DAB1: variants seen among roughly 807,000 people sequenced by gnomAD.
DAB1 encodes DAB adaptor protein 1, also known as disabled homolog 1.
A neutral mutation model predicts 64.6 loss-of-function variants in DAB1; 15 were observed. That is an observed-to-expected ratio of 0.23 (90% CI 0.16 to 0.36). The LOEUF is 0.36. Ranked by LOEUF, DAB1 falls within the 10% of genes least tolerant of loss-of-function variation. The pLI, the probability that DAB1 is intolerant of heterozygous loss-of-function variation, is 1.00. For synonymous variants in DAB1, 235 were observed against 251.9 expected, an observed-to-expected ratio of 0.93 and a Z score of 0.64; for missense variants, 596 against 706.7, an observed-to-expected ratio of 0.84 and a Z score of 1.78.
chr1:57,077,326 C>G (rs1336006021), intron 4 of DAB1, among the ~76,000 whole-genome samples: 1 of 152,154 alleles, frequency 6.6e-6, no homozygotes, highest in African/African-American at 2.4e-5. Flanking sequence ...TCTTCTCAAT[C>G]TTACCCCCGC....
chr1:57,389,933 G>A lies in DAB1; in HGVS notation c.-137+33997C>T, dbSNP rs1011110141. Among the ~76,000 whole-genome samples, 7 of 152,156 alleles carry A rather than the reference G, an allele frequency of 4.6e-5. No homozygotes were observed. In the South Asian group the frequency reaches 6.2e-4, roughly 14 times the overall value. ...TCAACTCATTTATTCCTCAGTAAACGGTGAGGAAACATAAATATGTCAAGT... is the reference window on the plus strand; with the variant it reads ...TCAACTCATTTATTCCTCAGTAAACAGTGAGGAAACATAAATATGTCAAGT... On this transcript the variant is annotated intron_variant, in intron 1 of 14. Transcript: ENST00000371236.
chr1:57,877,379 C>T (rs1644063898), intron 1 of DAB1, among the ~76,000 whole-genome samples: 2 of 152,120 alleles, frequency 1.3e-5, no homozygotes, highest in Non-Finnish European at 2.9e-5. Context: ...CTGTTCCCCA[C>T]CCTGCAGCTC....
chr1:57,533,879 T>C (rs1558468829), intron 7 of DAB1, among the ~76,000 whole-genome samples: 1 of 152,090 alleles, frequency 6.6e-6, no homozygotes, highest in Non-Finnish European at 1.5e-5. Context: ...ACCCCTGTGA[T>C]AAATGTCAAA....
intron 5 of DAB1, among the ~76,000 whole-genome samples, chr1:57,964,548 A>C (rs1645604708): frequency 1.3e-5 from 2 of 152,302 alleles, no homozygotes; most frequent in South Asian, 4.1e-4. Flanking sequence ...TAAATGGATG[A>C]GTATTTACCG....
At chr1:57,469,387 C>T (rs1441257442) in intron 7 of DAB1, among the ~76,000 whole-genome samples, 3 of 152,166 alleles carry the variant, frequency 2.0e-5, no homozygotes, top group Admixed American at 6.5e-5. Flanking sequence ...GGGGCATCAA[C>T]AAGATCAGAC....
intron 1 of DAB1, among the ~76,000 whole-genome samples, chr1:57,361,665 G>T (rs1679562405): frequency 6.6e-6 from 1 of 152,216 alleles, no homozygotes; most frequent in East Asian, 1.9e-4. Flanking sequence ...ATGTCATTCA[G>T]TTAAGACTTC....
chr1:57,070,947 A>C, intron 7 of DAB1, 76 bp downstream of exon 7: 1 of 1,283,678 alleles, frequency 7.8e-7, no homozygotes. Context: ...TGGATTCTTC[A>C]GGTTTCTGAC....
intron 5 of DAB1, among the ~76,000 whole-genome samples, chr1:58,125,599 G>A (rs1201879834): frequency 4.0e-5 from 6 of 151,824 alleles, no homozygotes; most frequent in Non-Finnish European, 7.4e-5. Context: ...ATGCCACCAT[G>A]CTTGGATACT....
chr1:57,939,978 T>A (rs1645079409), intron 5 of DAB1, among the ~76,000 whole-genome samples: 1 of 152,162 alleles, frequency 6.6e-6, no homozygotes, highest in Non-Finnish European at 1.5e-5. Context: ...CTGGTGTGAA[T>A]CTAACACAAC....
intron 1 of DAB1, among the ~76,000 whole-genome samples, chr1:57,388,522 GC>G (rs1206264053): frequency 6.6e-6 from 1 of 152,056 alleles, no homozygotes; most frequent in African/African-American, 2.4e-5. Flanking sequence ...GCATGTGCCT[GC>G]CCCCAGCTTC....
intron 9 of DAB1, among the ~76,000 whole-genome samples, chr1:57,053,973 C>T: frequency 6.6e-6 from 1 of 151,994 alleles, no homozygotes; most frequent in East Asian, 1.9e-4. Flanking sequence ...AGGCATGAGC[C>T]ACCGCGCCCG....
At chr1:57,590,735 AACACACACACACACACACACACACAC>A (rs58957864) in intron 7 of DAB1, among the ~76,000 whole-genome samples, 1 of 132,352 alleles carries the variant, frequency 7.6e-6, no homozygotes, top group Non-Finnish European at 1.6e-5. Context: ...TGTAGTCCGT[AACACACACACACACACACACACACAC>A]ACACACACAC....
intron 4 of DAB1, among the ~76,000 whole-genome samples, chr1:57,114,226 G>A (rs993708197): frequency 2.0e-5 from 3 of 151,072 alleles, no homozygotes; most frequent in Non-Finnish European, 4.4e-5. Flanking sequence ...ACAGATATAC[G>A]AGAAAATGGA....
At chr1:58,027,276 C>A (rs2100469051) in intron 5 of DAB1, among the ~76,000 whole-genome samples, 2 of 152,136 alleles carry the variant, frequency 1.3e-5, no homozygotes, top group East Asian at 3.9e-4. Flanking sequence ...CTTTATTGAC[C>A]AGGCTGGTCT....
chr1:57,430,397 A>G (rs1685456649), intron 7 of DAB1, among the ~76,000 whole-genome samples: 1 of 132,772 alleles, frequency 7.5e-6, no homozygotes, highest in African/African-American at 2.8e-5. Flanking sequence ...TTTTTTTGAG[A>G]CGGAGTCTTG....
In DAB1 at chr1:58,274,969, C is replaced by T. The variant is rs547195388; in HGVS notation, n.309+68383G>A. Among the ~76,000 whole-genome samples the T allele has an allele frequency of 9.9e-5, 15 of 151,948 alleles. No homozygotes were observed. The East Asian group carries it at 2.1e-3, about 22-fold the overall frequency. Reference sequence around the variant, plus strand: ...AAATGCAGAAATCACCGGTCTTCTGCATCGCTCACGCTGGGAGCTGTAGAC... The same window carrying T: ...AAATGCAGAAATCACCGGTCTTCTGTATCGCTCACGCTGGGAGCTGTAGAC... On this transcript the variant is annotated intron_variant and non_coding_transcript_variant, in intron 4 of 20. Coordinates refer to the DAB1 transcript ENST00000485760.
At chr1:57,519,702 A>G (rs1644503956) in intron 7 of DAB1, among the ~76,000 whole-genome samples, 1 of 152,194 alleles carries the variant, frequency 6.6e-6, no homozygotes, top group Non-Finnish European at 1.5e-5. Flanking sequence ...AACTAATAGT[A>G]AGGATTTGGG....
At chr1:57,979,111 C>A (rs958212666) in intron 5 of DAB1, among the ~76,000 whole-genome samples, 1 of 152,130 alleles carries the variant, frequency 6.6e-6, no homozygotes, top group Non-Finnish European at 1.5e-5. Flanking sequence ...GACACATGCA[C>A]ACATATGTTT....
chr1:57,552,239 G>C (rs933791338), intron 7 of DAB1, among the ~76,000 whole-genome samples: 1 of 152,100 alleles, frequency 6.6e-6, no homozygotes, highest in South Asian at 2.1e-4. Context: ...ATTCTAATAA[G>C]TCCCAATTTA....
Sources: allele counts gnomAD v4.1 joint callset (sites outside exome capture counted in the v4.1 genomes callset), GRCh38; gene constraint gnomAD v4.1.1; transcripts MANE v1.5; gene names NCBI Gene and HGNC (gene_info 2026-07-23, HGNC 2026-07-21).